The following SRGAP2 variants were observed in gnomAD, a reference collection of about 807,000 sequenced individuals.
SRGAP2 encodes the protein SLIT-ROBO Rho GTPase-activating protein 2.
In SRGAP2, 15 loss-of-function variants were observed where a neutral mutation model predicts 57.2. That is an observed-to-expected ratio of 0.26 (90% CI 0.18 to 0.40). The LOEUF is 0.40. Among genes scored for constraint, SRGAP2 ranks in the 10% least tolerant of loss-of-function variants. The probability of loss-of-function intolerance (pLI) is 1.00; values close to 1 mark genes in which losing one functional copy is unlikely to be tolerated. For synonymous variants in SRGAP2, 249 were observed against 248.0 expected (o/e 1.00, Z -0.04); for missense variants, 520 against 669.6 (o/e 0.78, Z 2.47).
At chr1:206,428,572 T>G (rs1661014728) in intron 13 of SRGAP2, among the ~76,000 whole-genome samples, 1 of 152,178 alleles carries the variant, frequency 6.6e-6, no homozygotes, top group African/African-American at 2.4e-5. Context: ...CCGAGGGAGA[T>G]TGCCTGGGTT....
chr1:206,393,402 G>C, intron 6 of SRGAP2, 143 bp from the exon 7 acceptor site: 1 of 529,370 alleles, frequency 1.9e-6, no homozygotes, highest in South Asian at 2.1e-5. Context: ...TCATTAAACA[G>C]AATTAGAACC....
Position 206,363,638 on chromosome 1 carries a change from G to A in SRGAP2, c.424-20376G>A, listed in dbSNP as rs201399083. 0.013 allele frequency among the ~76,000 whole-genome samples: 1,944 copies of A among 151,846 alleles called. 97 individuals carry two copies. In the East Asian group the frequency reaches 0.16, roughly 12 times the overall value. On this transcript the variant is annotated intron_variant, in intron 4 of 22. Coordinates refer to ENST00000573034, the MANE Select transcript of SRGAP2 (RefSeq NM_015326.5). ...TCCTCTAATCTCTGACAGTTCCTCT[G>A]TCTTGCTTTGTCTTTCATGGTTTTA...
chr1:206,319,177 C>T (rs113552458), intron 3 of SRGAP2, among the ~76,000 whole-genome samples: 263 of 126,484 alleles, frequency 2.1e-3, no homozygotes, highest in East Asian at 7.1e-3. Context: ...TTTGGGAGGC[C>T]GAGGCGGGCG....
intron 4 of SRGAP2, among the ~76,000 whole-genome samples, chr1:206,372,935 CT>C (rs1329673728): frequency 1.3e-4 from 1 of 7,848 alleles, no homozygotes. Flanking sequence ...TTCTTTCTTT[CT>C]TTCTTTCTTT....
intron 4 of SRGAP2, among the ~76,000 whole-genome samples, chr1:206,363,973 A>G (rs1476628218): frequency 6.6e-6 from 1 of 150,784 alleles, no homozygotes; most frequent in African/African-American, 2.5e-5. Context: ...GTTAACTGAA[A>G]CAATCCTACT....
chr1:206,291,416 T>G (rs2102718297), intron 2 of SRGAP2, among the ~76,000 whole-genome samples: 1 of 152,284 alleles, frequency 6.6e-6, no homozygotes, highest in South Asian at 2.1e-4. Flanking sequence ...TTATTCTTCA[T>G]AACAATCCAG....
chr1:206,447,890 C>T (rs1662903877), intron 18 of SRGAP2, among the ~76,000 whole-genome samples: 1 of 149,450 alleles, frequency 6.7e-6, no homozygotes, highest in South Asian at 2.1e-4. Context: ...CCTCCAGTTT[C>T]CTCCAAGATA....
At chr1:206,359,941 G>A (rs1390619933) in intron 4 of SRGAP2, among the ~76,000 whole-genome samples, 29 of 149,270 alleles carry the variant, frequency 1.9e-4, no homozygotes, top group South Asian at 4.2e-4. Context: ...CAAGTAGCTG[G>A]GACTACAGGC....
chr1:206,335,504 T>C (rs1334107386), intron 3 of SRGAP2, among the ~76,000 whole-genome samples: 1 of 151,140 alleles, frequency 6.6e-6, no homozygotes, highest in African/African-American at 2.4e-5. Context: ...ATGCACAGTT[T>C]AGGAGCAGGA....
At chr1:206,424,149 A>G (rs1488830321) in intron 13 of SRGAP2, among the ~76,000 whole-genome samples, 1 of 151,912 alleles carries the variant, frequency 6.6e-6, no homozygotes, top group African/African-American at 2.4e-5. Flanking sequence ...ATGTTTTCCA[A>G]CTTAGGCCCT....
intron 17 of SRGAP2, 69 bp downstream of exon 17, chr1:206,440,150 C>T: frequency 4.0e-6 from 3 of 747,006 alleles, no homozygotes; most frequent in Non-Finnish European, 7.5e-6. Context: ...CTCTATGGAC[C>T]TATGCCTATT....
intron 21 of SRGAP2, among the ~76,000 whole-genome samples, chr1:206,457,773 CA>C (rs1298596003): frequency 2.0e-5 from 3 of 152,226 alleles, no homozygotes; most frequent in East Asian, 1.9e-4. Context: ...CCTTCCACCT[CA>C]ACTCCTGCCT....
At chr1:206,307,617 C>T (rs1430222773) in intron 3 of SRGAP2, among the ~76,000 whole-genome samples, 1 of 152,232 alleles carries the variant, frequency 6.6e-6, no homozygotes, top group Admixed American at 6.5e-5. Flanking sequence ...CAGCTAAGGC[C>T]CAGTGAGAAA....
At chr1:206,263,598 T>C (rs1204799770) in intron 2 of SRGAP2, among the ~76,000 whole-genome samples, 3 of 150,762 alleles carry the variant, frequency 2.0e-5, no homozygotes, top group African/African-American at 7.3e-5. Context: ...CCACTGAAAT[T>C]TTGGGGGTTA....
chr1:206,332,169 G>A (rs1409045945), intron 3 of SRGAP2, among the ~76,000 whole-genome samples: 27 of 113,240 alleles, frequency 2.4e-4, no homozygotes, highest in African/African-American at 8.6e-4. Flanking sequence ...GGTTTCTGCC[G>A]AGAGATCCGC....
At chr1:206,372,964 CCTTTCTTTCTTT>C (rs1171287240) in intron 4 of SRGAP2, among the ~76,000 whole-genome samples, 2,178 of 23,246 alleles carry the variant, frequency 0.094, 301 homozygotes, top group Middle Eastern at 0.15. Flanking sequence ...TCTTTTCTTT[CCTTTCTTTCTTT>C]CTTTCTTTCT....
At chr1:206,256,460 C>G in intron 2 of SRGAP2, among the ~76,000 whole-genome samples, 1 of 146,008 alleles carries the variant, frequency 6.8e-6, no homozygotes, top group Non-Finnish European at 1.5e-5. Context: ...ATTGGTGAGG[C>G]AGTTCTAAAG....
intron 8 of SRGAP2, among the ~76,000 whole-genome samples, chr1:206,404,478 C>G (rs1282197786): frequency 1.1e-4 from 16 of 151,718 alleles, no homozygotes; most frequent in African/African-American, 3.6e-4. Context: ...CCTCCCAACT[C>G]TCTCAGCCTT....
chr1:206,354,790 T>C, intron 4 of SRGAP2, among the ~76,000 whole-genome samples: 2 of 129,004 alleles, frequency 1.6e-5, no homozygotes, highest in African/African-American at 2.9e-5. Context: ...CCTCCCCCCC[T>C]TCCTTCTCCC....
Sources: allele counts gnomAD v4.1 joint callset (sites outside exome capture counted in the v4.1 genomes callset), GRCh38; gene constraint gnomAD v4.1.1; transcripts MANE v1.5; gene names NCBI Gene and HGNC (gene_info 2026-07-23, HGNC 2026-07-21).